The following CAMTA1 variants were observed in gnomAD, a reference collection of about 807,000 sequenced individuals.
The protein encoded by CAMTA1 is calmodulin-binding transcription activator 1.
CAMTA1 carries 27 observed loss-of-function variants against 170.9 expected under a neutral mutation model. The observed-to-expected ratio is 0.16, with a 90% confidence interval of 0.12 to 0.22. The LOEUF (loss-of-function observed/expected upper bound fraction) is 0.22, where lower values mean the gene tolerates loss of function less well. CAMTA1 is among the 10% of genes least tolerant of loss of function. The pLI, the probability that CAMTA1 is intolerant of heterozygous loss-of-function variation, is 1.00. For missense variants in CAMTA1, 1,619 were observed against 2,217.2 expected, an observed-to-expected ratio of 0.73 and a Z score of 5.42; for synonymous variants, 833 against 891.5, an observed-to-expected ratio of 0.93 and a Z score of 1.17.
chr1:7,366,545 C>T (rs547879309), intron 5 of CAMTA1, among the ~76,000 whole-genome samples: 13 of 152,342 alleles, frequency 8.5e-5, no homozygotes, highest in African/African-American at 2.9e-4. Context: ...TTCCCTGCTC[C>T]GCAGATGATT....
At chr1:7,612,793 C>A (rs1308294920) in intron 6 of CAMTA1, among the ~76,000 whole-genome samples, 1 of 152,210 alleles carries the variant, frequency 6.6e-6, no homozygotes, top group African/African-American at 2.4e-5. Context: ...CCCACTGGGG[C>A]TCTTGGGGCC....
At chr1:6,905,493 C>T (rs1678233633) in intron 3 of CAMTA1, among the ~76,000 whole-genome samples, 1 of 152,158 alleles carries the variant, frequency 6.6e-6, no homozygotes, top group South Asian at 2.1e-4. Flanking sequence ...CTATGCCCGG[C>T]CTGCTCCTCC....
At chr1:7,689,754 T>G (rs2096290446) in intron 11 of CAMTA1, among the ~76,000 whole-genome samples, 2 of 152,138 alleles carry the variant, frequency 1.3e-5, no homozygotes, top group Non-Finnish European at 2.9e-5. Flanking sequence ...GGGATGGAAG[T>G]CACCTCCTGA....
intron 1 of CAMTA1, among the ~76,000 whole-genome samples, chr1:6,815,937 C>T (rs1645757887): frequency 6.6e-6 from 1 of 152,172 alleles, no homozygotes. Flanking sequence ...CTTGAGAAAA[C>T]TGGGGAAGTC....
chr1:7,740,543 G>A (rs4908691), intron 16 of CAMTA1, among the ~76,000 whole-genome samples: 101,324 of 152,156 alleles, frequency 0.67, 34,387 homozygotes, highest in Admixed American at 0.77. Flanking sequence ...ACTGAGCATC[G>A]AGAACAGTAC....
intron 4 of CAMTA1, among the ~76,000 whole-genome samples, chr1:7,122,609 TA>T (rs1644710224): frequency 1.3e-5 from 2 of 152,148 alleles, no homozygotes. Flanking sequence ...CAACAGGGCT[TA>T]TTTCCTAGCC....
chr1:7,254,727 A>T (rs1435744740), intron 5 of CAMTA1, among the ~76,000 whole-genome samples: 3 of 152,254 alleles, frequency 2.0e-5, no homozygotes, highest in Non-Finnish European at 4.4e-5. Context: ...ATTAGGAATT[A>T]ACAGGGCATG....
At chr1:6,848,594 T>TA (rs1659207203) in intron 3 of CAMTA1, among the ~76,000 whole-genome samples, 1 of 152,224 alleles carries the variant, frequency 6.6e-6, no homozygotes, top group Non-Finnish European at 1.5e-5. Context: ...GACCTGTTTT[T>TA]AGACATTGGC....
chr1:7,723,644 G>A (rs576273687), intron 11 of CAMTA1, among the ~76,000 whole-genome samples: 5 of 152,072 alleles, frequency 3.3e-5, no homozygotes, highest in Non-Finnish European at 7.4e-5. Flanking sequence ...AATGATGGAG[G>A]CTGACCTCTC....
chr1:7,475,591 G>C (rs1473998884), intron 6 of CAMTA1, among the ~76,000 whole-genome samples: 7 of 152,206 alleles, frequency 4.6e-5, no homozygotes, highest in Admixed American at 4.6e-4. Flanking sequence ...CCAAGAGTGG[G>C]GACGTGGCTG....
At chr1:7,594,217 G>GGAAA in intron 6 of CAMTA1, among the ~76,000 whole-genome samples, 1 of 150,196 alleles carries the variant, frequency 6.7e-6, no homozygotes, top group South Asian at 2.1e-4. Flanking sequence ...AAGGAAGGAA[G>GGAAA]GAAGGAAGGA....
rs76428304 is a variant in CAMTA1 at position 7,446,580 on chromosome 1, G to A, written c.439-21250G>A. 9.2e-5 allele frequency among the ~76,000 whole-genome samples: 14 copies of A among 152,326 alleles called. No individual in the cohort carries two copies. In the East Asian group the frequency reaches 2.5e-3, roughly 27 times the overall value. Reference sequence around the variant, plus strand: ...CTGGGCGAATGAGCCTCAGAAAGGTGATACGGCAAACGGAGCTCATGTGGC... The same window carrying A: ...CTGGGCGAATGAGCCTCAGAAAGGTAATACGGCAAACGGAGCTCATGTGGC... On this transcript the variant is annotated intron_variant, in intron 5 of 22. Coordinates refer to ENST00000303635, the MANE Select transcript of CAMTA1 (RefSeq NM_015215.4).
At chr1:7,741,961 TA>T (rs1287910812) in intron 16 of CAMTA1, among the ~76,000 whole-genome samples, 18 of 133,922 alleles carry the variant, frequency 1.3e-4, no homozygotes, top group Non-Finnish European at 2.1e-4. Context: ...TTTTTTTTTT[TA>T]AATAAAAGCA....
intron 7 of CAMTA1, among the ~76,000 whole-genome samples, chr1:7,651,142 T>C (rs1302445308): frequency 1.3e-5 from 2 of 152,122 alleles, no homozygotes; most frequent in Non-Finnish European, 2.9e-5. Flanking sequence ...CACAGCACCC[T>C]TTGTTGGCTC....
At chr1:7,577,711 T>C (rs1352020268) in intron 6 of CAMTA1, among the ~76,000 whole-genome samples, 1 of 152,224 alleles carries the variant, frequency 6.6e-6, no homozygotes, top group Non-Finnish European at 1.5e-5. Flanking sequence ...AGCCAATTTT[T>C]TCTTAAATGG....
intron 3 of CAMTA1, among the ~76,000 whole-genome samples, chr1:7,070,434 G>A (rs771756795): frequency 6.6e-5 from 10 of 152,202 alleles, no homozygotes; most frequent in Non-Finnish European, 8.8e-5. Context: ...TGAAAAATGG[G>A]CGTGATACTG....
intron 6 of CAMTA1, among the ~76,000 whole-genome samples, chr1:7,590,347 C>T (rs979905550): frequency 6.6e-6 from 1 of 152,206 alleles, no homozygotes; most frequent in African/African-American, 2.4e-5. Flanking sequence ...GCAGCACATT[C>T]CACAGGGTCA....
At chr1:7,352,754 G>C (rs148736621) in intron 5 of CAMTA1, among the ~76,000 whole-genome samples, 29 of 152,310 alleles carry the variant, frequency 1.9e-4, no homozygotes, top group African/African-American at 5.1e-4. Context: ...GTTTAATTTG[G>C]GGGTGGAGAC....
At chr1:6,933,725 C>T (rs1684830048) in intron 3 of CAMTA1, among the ~76,000 whole-genome samples, 2 of 150,904 alleles carry the variant, frequency 1.3e-5, no homozygotes, top group African/African-American at 4.9e-5. Context: ...GTGGAAAAGA[C>T]TCCTCTTTCT....
Sources: gnomAD v4.1 joint callset for allele counts (sites outside exome capture counted in the v4.1 genomes callset) on GRCh38, gnomAD v4.1.1 for gene constraint, MANE v1.5 for transcripts, NCBI Gene and HGNC (gene_info 2026-07-23, HGNC 2026-07-21) for gene names.